SIDT2: variants seen among roughly 807,000 people sequenced by gnomAD.
SIDT2 encodes SID1 transmembrane family member 2.
A neutral mutation model predicts 114.4 loss-of-function variants in SIDT2; 68 were observed. That is an observed-to-expected ratio of 0.59 (90% CI 0.49 to 0.73). SIDT2 has a LOEUF of 0.73. Ranked by LOEUF, SIDT2 falls within the 30% of genes least tolerant of loss-of-function variation. The pLI is 0.00. For missense variants in SIDT2, 918 were observed against 1,097.1 expected, an observed-to-expected ratio of 0.84 and a Z score of 2.31; for synonymous variants, 470 against 438.4, an observed-to-expected ratio of 1.07 and a Z score of -0.90.
At position 117,192,567 on chromosome 11, in the gene SIDT2, T is replaced by C. The variant is rs1194887061; in HGVS notation, c.1982-7T>C. 4 of 1,607,974 alleles carry C rather than the reference T, an allele frequency of 2.5e-6. No homozygotes were observed. The highest frequency in any genetic ancestry group is 3.4e-6 in the Non-Finnish European group (4 of 1,179,974). ...TGCCTGTCAGCACCACTCCCTTCTC[T>C]TCGCAGACTCGGGGATCTTCCGCCG... On this transcript the variant is annotated splice_region_variant and splice_polypyrimidine_tract_variant and intron_variant, in intron 20 of 25. Transcript: ENST00000324225. The surrounding 1 kb of genome is among the most constrained non-coding windows in gnomAD (Gnocchi z 5.9).
chr11:117,183,978 C>G, intron 7 of SIDT2, 96 bp from the exon 8 acceptor site: 2 of 1,520,562 alleles, frequency 1.3e-6, no homozygotes, highest in Non-Finnish European at 1.8e-6. Flanking sequence ...CCTGATAGGA[C>G]ATGGGTTTTT....
rs746392804 is a variant in SIDT2, at chr11:117,193,221, A to G, written c.2174A>G (p.Asn725Ser). 19 of 1,613,840 alleles carry G rather than the reference A, an allele frequency of 1.2e-5. No individual in the cohort carries two copies. The highest frequency in any genetic ancestry group is 2.2e-5 in the South Asian group (2 of 91,082). Residue 725 changes from asparagine (N) to serine (S), a missense_variant, in exon 23 of 26, where the codon AAC becomes AGC. Asn to Ser is a conservative substitution (Grantham distance 46). Coordinates refer to ENST00000324225, the MANE Select transcript of SIDT2 (RefSeq NM_001040455.2). ...ASYLLAIGIC[N>S]LLLYFAFYII... ...TACTTGTTGGCCATTGGCATCTGCA[A>G]CCTGCTCCTTTACTTCGCCTTCTAC...
In SIDT2 at chr11:117,179,338, C is replaced by T. The variant is rs1158776964; in HGVS notation, c.75C>T (p.Pro25=). Residue 25 remains proline, a synonymous_variant, in exon 1 of 26, where the codon CCC becomes CCT. Transcript: ENST00000324225. ...AGAGCCATCTGGGGGTTCTGGGGCC[C>T]AAGAACGTCTCGCAGAAAGACGCCG... ...SVESHLGVLG[P]KNVSQKDAEF... 1 of 1,614,192 alleles carries T rather than the reference C, an allele frequency of 6.2e-7. No individual in the cohort carries two copies. Among genetic ancestry groups the T allele is most frequent in the African/African-American group, 1.3e-5 (1 of 75,058 alleles).
rs1302382764 is a variant in SIDT2, at chr11:117,192,310, C to T, written c.1929C>T (p.Ile643=). The T allele has an allele frequency of 3.7e-6, 6 of 1,612,368 alleles. No individual in the cohort carries two copies. The highest frequency in any genetic ancestry group is 1.3e-5 in the African/African-American group (1 of 74,856). ...TCGTCTTCTCCATCATTCACATCAT[C>T]GCCACCCTGCTCCTCAGCACGCAGC... The part of the protein sequence containing the change: ...FWIVFSIIHI[I]ATLLLSTQLY... The change falls in exon 20 of 26, where the codon ATC becomes ATT. Residue 643 remains isoleucine, a synonymous_variant. Coordinates refer to ENST00000324225, the MANE Select transcript of SIDT2 (RefSeq NM_001040455.2). This position sits in a 1 kb window ranked among gnomAD's most constrained non-coding sequence, Gnocchi z 5.9.
Position 117,193,869 on chromosome 11 carries a change from G to A in SIDT2, c.2228G>A (p.Arg743Lys), listed in dbSNP as rs1473017951. Residue 743 changes from arginine (R) to lysine (K), a missense_variant, in exon 24 of 26, where the codon AGG (arginine) becomes AAG (lysine). Physicochemically the swap from Arg to Lys is conservative, Grantham distance 26 (BLOSUM62 2). This residue lies in a region of SIDT2 where 275 missense variants were observed against 397.6 expected (regional missense o/e 0.69). Coordinates refer to ENST00000324225, the MANE Select transcript of SIDT2 (RefSeq NM_001040455.2). ...YIIMKLRSGE[R>K]IKLIPLLCIV... is the part of the protein sequence containing the mutation. The stretch of plus-strand genomic sequence containing the variant: ...CCCTCCCAGCTCCGGAGTGGGGAGA[G>A]GATCAAGCTCATCCCCCTGCTCTGC... 1.2e-6 allele frequency: 2 copies of A among 1,613,776 alleles called. No individual in the cohort carries two copies. The highest frequency in any genetic ancestry group is 1.7e-6 in the Non-Finnish European group (2 of 1,179,890).
rs118183792 is a variant in SIDT2, at chr11:117,192,311, G to A, written c.1930G>A (p.Ala644Thr). The change falls in exon 20 of 26, where the codon GCC (alanine) becomes ACC (threonine). Residue 644 changes from alanine to threonine, a missense_variant. Physicochemically the swap from Ala to Thr is moderately conservative, Grantham distance 58 (BLOSUM62 0). Around this residue, in one of 4 missense-constraint regions of SIDT2, gnomAD observed 275 missense variants for 397.6 expected, o/e 0.69. Coordinates refer to ENST00000324225, the MANE Select transcript of SIDT2 (RefSeq NM_001040455.2). The surrounding 1 kb of genome is among the most constrained non-coding windows in gnomAD (Gnocchi z 5.9). ...WIVFSIIHII[A>T]TLLLSTQLYY... ...CGTCTTCTCCATCATTCACATCATC[G>A]CCACCCTGCTCCTCAGCACGCAGCT... 1 of 1,612,470 alleles carries A rather than the reference G, an allele frequency of 6.2e-7. No individual in the cohort carries two copies. The highest frequency in any genetic ancestry group is 8.5e-7 in the Non-Finnish European group (1 of 1,178,716).
Position 117,196,265 on chromosome 11 carries a change from G to A in SIDT2, c.*199G>A. Reference sequence around the variant, plus strand: ...GAACCTTGCAGCTGCCCTCTGCCGAGGAGCAGGCCTGCTCCCCTGGAACCC... The same window carrying A: ...GAACCTTGCAGCTGCCCTCTGCCGAAGAGCAGGCCTGCTCCCCTGGAACCC... On this transcript the variant is annotated 3_prime_UTR_variant, in exon 26 of 26. Transcript: ENST00000324225. This position sits in a 1 kb window ranked among gnomAD's most constrained non-coding sequence, Gnocchi z 4.9. 1.5e-6 allele frequency: 1 copy of A among 678,834 alleles called. No homozygotes were observed. Among genetic ancestry groups the A allele is most frequent in the South Asian group, 1.9e-5 (1 of 52,616 alleles). The allele number at this position is 678,834 out of a possible 1,614,324, so 42.1% of individuals were successfully genotyped here.
Position 117,188,010 on chromosome 11 carries a change from T to G in SIDT2, c.1159+311T>G. ...GCCAATCAGTGCCTGCCGGCTCCGG[T>G]TGACTGCCGGCTGTGGGGCCAGAAA... On this transcript the variant is annotated intron_variant, in intron 12 of 25. Transcript: ENST00000324225. This position sits in a 1 kb window ranked among gnomAD's most constrained non-coding sequence, Gnocchi z 4.0. 1.7e-6 allele frequency: 1 copy of G among 590,954 alleles called. No individual in the cohort carries two copies. The highest frequency in any genetic ancestry group is 1.8e-5 in the African/African-American group (1 of 54,722). 36.6% of individuals were successfully genotyped at this position (590,954 alleles called of 1,614,324 possible). A position where few individuals can be genotyped will look rare whatever the true frequency, so the allele number is the denominator to read the frequency against.
chr11:117,183,454 A>T (rs1352415303), intron 6 of SIDT2, among the ~76,000 whole-genome samples: 2 of 152,086 alleles, frequency 1.3e-5, no homozygotes, highest in African/African-American at 2.4e-5. Flanking sequence ...CCTGGCCAAC[A>T]TGGTGAAACC....
Position 117,193,790 on chromosome 11 carries a change from T to TTG in SIDT2, c.2212-63_2212-62insTG. ...GAAAGGGAATCTGGGAAAGGCTGGGTGGGACAGCGGGGTGGGACAGGGGTA... is the reference window on the plus strand; with the variant it reads ...GAAAGGGAATCTGGGAAAGGCTGGGTTGGGGACAGCGGGGTGGGACAGGGGTA... On this transcript the variant is annotated intron_variant, in intron 23 of 25. Transcript: ENST00000324225. 2.5e-6 allele frequency: 3 copies of TTG among 1,213,000 alleles called. No homozygotes were observed. In the South Asian group the frequency reaches 3.7e-5, roughly 15 times the overall value. 75.1% of individuals were successfully genotyped at this position (1,213,000 alleles called of 1,614,324 possible).
rs747159474 is a variant in SIDT2, at chr11:117,193,232, T to C, written c.2185T>C (p.Tyr729His). Residue 729 changes from tyrosine to histidine, a missense_variant, in exon 23 of 26, where the codon TAC (tyrosine) becomes CAC (histidine). Physicochemically the swap from Tyr to His is moderately conservative, Grantham distance 83. Around this residue, in one of 4 missense-constraint regions of SIDT2, gnomAD observed 275 missense variants for 397.6 expected, o/e 0.69. Transcript: ENST00000324225. The part of the protein sequence containing the change: ...LAIGICNLLL[Y>H]FAFYIIMKLR... ...CATTGGCATCTGCAACCTGCTCCTTTACTTCGCCTTCTACATCATCATGAA... is the reference window on the plus strand; with the variant it reads ...CATTGGCATCTGCAACCTGCTCCTTCACTTCGCCTTCTACATCATCATGAA... 6.2e-7 allele frequency: 1 copy of C among 1,613,896 alleles called. No homozygotes were observed.
Position 117,189,411 on chromosome 11 carries a change from C to T in SIDT2, c.1419+10C>T, listed in dbSNP as rs765229634. The T allele has an allele frequency of 6.2e-7, 1 of 1,613,548 alleles. No homozygotes were observed. The highest frequency in any genetic ancestry group is 1.1e-5 in the South Asian group (1 of 90,948). Reference sequence around the variant, plus strand: ...GATCACCTACCAGACGGTGAGAGGGCAGGGCAGGTTCACCTTTCCGACAGC... The same window carrying T: ...GATCACCTACCAGACGGTGAGAGGGTAGGGCAGGTTCACCTTTCCGACAGC... On this transcript the variant is annotated intron_variant, in intron 15 of 25. Coordinates refer to ENST00000324225, the MANE Select transcript of SIDT2 (RefSeq NM_001040455.2).
rs773668270 is a variant in SIDT2 at position 117,187,387 on chromosome 11, G to C, written c.1025G>C (p.Arg342Pro). The C allele has an allele frequency of 6.2e-7, 1 of 1,614,004 alleles. No homozygotes were observed. The highest frequency in any genetic ancestry group is 8.5e-7 in the Non-Finnish European group (1 of 1,179,968). The change falls in exon 11 of 26, where the codon CGA becomes CCA. Residue 342 changes from arginine (R) to proline (P), a missense_variant. Around this residue, in one of 4 missense-constraint regions of SIDT2, gnomAD observed 553 missense variants for 600.1 expected, o/e 0.92. Transcript: ENST00000324225. ...TGACTTCTCATTGCAGGTCACCCTC[G>C]AGTCCTGGCTGATTCTTTTCCTGGC... ...DRACPESGHP[R>P]VLADSFPGSS...
rs2030875479 is a variant in SIDT2, at chr11:117,195,794, T to C, written c.2323-8T>C. 6.2e-7 allele frequency: 1 copy of C among 1,613,852 alleles called. No homozygotes were observed. ...GTCATTCGGCAGTTTTTCTTGTTGC[T>C]CCCCAAGAAAACCCCTGCAGAGTCG... On this transcript the variant is annotated splice_polypyrimidine_tract_variant and splice_region_variant and intron_variant, in intron 24 of 25. Transcript: ENST00000324225.
Position 117,188,717 on chromosome 11 carries a change from T to C in SIDT2, c.1169T>C (p.Phe390Ser). The change falls in exon 13 of 26, where the codon TTT becomes TCT. Residue 390 changes from phenylalanine (F) to serine (S), a missense_variant. This residue lies in a region of SIDT2 where 553 missense variants were observed against 600.1 expected (regional missense o/e 0.92). Transcript: ENST00000324225. The surrounding 1 kb of genome is among the most constrained non-coding windows in gnomAD (Gnocchi z 4.0). ...TCCCTGCCCTTTCCAGGCCGCTCCT[T>C]TGAACCTGTAGGTACTCGGCCCCGA... ...DLSYGYQGRSFEPVGTRPRVD... is the reference protein window; with the variant it reads ...DLSYGYQGRSSEPVGTRPRVD... 2.5e-6 allele frequency: 4 copies of C among 1,614,120 alleles called. No homozygotes were observed. The highest frequency in any genetic ancestry group is 3.4e-6 in the Non-Finnish European group (4 of 1,179,954).
intron 24 of SIDT2, among the ~76,000 whole-genome samples, chr11:117,195,225 CTG>C: frequency 6.6e-6 from 1 of 151,212 alleles, no homozygotes; most frequent in Non-Finnish European, 1.5e-5. Context: ...GCCAGGCAGA[CTG>C]TGAGCTCCCT....
At position 117,193,377 on chromosome 11, in the gene SIDT2, G is replaced by A. The variant is rs1236898748; in HGVS notation, c.2211+119G>A. 17 of 912,806 alleles carry A rather than the reference G, an allele frequency of 1.9e-5. 1 individual carries two copies. Among genetic ancestry groups the A allele is most frequent in the Non-Finnish European group, 2.7e-5 (16 of 589,950 alleles). 56.5% of individuals were successfully genotyped at this position (912,806 alleles called of 1,614,324 possible). A position where few individuals can be genotyped will look rare whatever the true frequency, so the allele number is the denominator to read the frequency against. On this transcript the variant is annotated intron_variant, in intron 23 of 25. Transcript: ENST00000324225. Reference sequence around the variant, plus strand: ...CTGTCCCATCTTTGCTGGTTGCGGAGGGGAGAGGCTAAAGCCTCTTGCATG... The same window carrying A: ...CTGTCCCATCTTTGCTGGTTGCGGAAGGGAGAGGCTAAAGCCTCTTGCATG...
intron 4 of SIDT2, 185 bp downstream of exon 4, chr11:117,182,290 T>TG (rs2030319880): frequency 1.3e-6 from 1 of 755,940 alleles, no homozygotes; most frequent in Non-Finnish European, 2.2e-6. Flanking sequence ...TACAGAGACA[T>TG]GGAGTCTGGT....
At chr11:117,183,563 G>C (rs1043368515) in intron 6 of SIDT2, among the ~76,000 whole-genome samples, 1 of 151,882 alleles carries the variant, frequency 6.6e-6, no homozygotes, top group Non-Finnish European at 1.5e-5. Context: ...GTTTGAACCC[G>C]GGAGGCGGAG....
Sources: gnomAD v4.1 joint callset for allele counts (sites outside exome capture counted in the v4.1 genomes callset) on GRCh38, gnomAD v4.1.1 for gene constraint, gnomAD v4.1.1 regional missense constraint, Gnocchi (gnomAD v3.1) non-coding constraint, MANE v1.5 for transcripts, NCBI Gene and HGNC (gene_info 2026-07-23, HGNC 2026-07-21) for gene names.